The following SH3RF3 variants were observed in gnomAD, a reference collection of about 807,000 sequenced individuals.
SH3RF3 encodes the protein SH3 domain containing ring finger 3, also known as E3 ubiquitin-protein ligase SH3RF3.
A neutral mutation model predicts 66.3 loss-of-function variants in SH3RF3; 29 were observed. The observed-to-expected ratio is 0.44, with a 90% confidence interval of 0.33 to 0.60. The LOEUF (loss-of-function observed/expected upper bound fraction) is 0.60. Among genes scored for constraint, SH3RF3 ranks in the 20% least tolerant of loss-of-function variants. The probability of loss-of-function intolerance (pLI) is 0.04; values close to 1 mark genes in which losing one functional copy is unlikely to be tolerated. For missense variants in SH3RF3, 1,194 were observed against 1,190.9 expected, an observed-to-expected ratio of 1.00 and a Z score of -0.04; for synonymous variants, 583 against 532.0, an observed-to-expected ratio of 1.10 and a Z score of -1.32.
In SH3RF3 at chr2:109,129,946, C is replaced by A; in HGVS notation, c.406C>A (p.Pro136Thr). Residue 136 changes from proline (P) to threonine (T), a missense_variant, in exon 1 of 10, where the codon CCC (proline) becomes ACC (threonine). Coordinates refer to ENST00000309415, the MANE Select transcript of SH3RF3 (RefSeq NM_001099289.3). ...GGGCACCAGCCCCGGCGGCAGCCCG[C>A]CCGCGCGTCCCATCCCAGGCCAGAG... ...RAGTSPGGSP[P>T]ARPIPGQSAA... 1.4e-6 allele frequency: 2 copies of A among 1,470,134 alleles called. No homozygotes were observed. Among genetic ancestry groups the A allele is most frequent in the Non-Finnish European group, 1.8e-6 (2 of 1,117,748 alleles). 91.1% of individuals were successfully genotyped at this position (1,470,134 alleles called of 1,614,324 possible). A position where few individuals can be genotyped will look rare whatever the true frequency, so the allele number is the denominator to read the frequency against.
chr2:109,255,968 C>T (rs1374133370), intron 1 of SH3RF3, among the ~76,000 whole-genome samples: 1 of 152,212 alleles, frequency 6.6e-6, no homozygotes, highest in Non-Finnish European at 1.5e-5. Flanking sequence ...GAATAGGATG[C>T]ACCTGTCCCC....
At chr2:109,169,059 A>G (rs1400444835) in intron 1 of SH3RF3, among the ~76,000 whole-genome samples, 4 of 152,220 alleles carry the variant, frequency 2.6e-5, no homozygotes, top group Non-Finnish European at 5.9e-5. Context: ...AAGTGGCACT[A>G]GGAACCACCA....
At chr2:109,498,657 G>A (rs13401959) in intron 9 of SH3RF3, among the ~76,000 whole-genome samples, 42,005 of 152,002 alleles carry the variant, frequency 0.28, 6,094 homozygotes, top group African/African-American at 0.37. Context: ...CCCCTAAGTA[G>A]TATCAAGTAG....
intron 1 of SH3RF3, among the ~76,000 whole-genome samples, chr2:109,302,305 C>T (rs1009265259): frequency 6.6e-6 from 1 of 152,194 alleles, no homozygotes; most frequent in South Asian, 2.1e-4. Context: ...TCCATAACAG[C>T]ATATCTGTGA....
intron 8 of SH3RF3, 52 bp downstream of exon 8, chr2:109,449,541 T>G: frequency 6.3e-7 from 1 of 1,578,508 alleles, no homozygotes; most frequent in Non-Finnish European, 8.6e-7. Flanking sequence ...CTGCTTACTG[T>G]AACTTTTTGG....
chr2:109,390,046 C>T (rs1675941531), intron 3 of SH3RF3, among the ~76,000 whole-genome samples: 1 of 152,168 alleles, frequency 6.6e-6, no homozygotes, highest in South Asian at 2.1e-4. Flanking sequence ...TAAAAATGGC[C>T]AGAAATCCAC....
intron 1 of SH3RF3, among the ~76,000 whole-genome samples, chr2:109,190,799 G>C (rs904101854): frequency 6.6e-6 from 1 of 151,924 alleles, no homozygotes; most frequent in Non-Finnish European, 1.5e-5. Flanking sequence ...CATAGACCCA[G>C]GCTCAAATTA....
At chr2:109,131,713 TG>T (rs1332970921) in intron 1 of SH3RF3, among the ~76,000 whole-genome samples, 1 of 152,200 alleles carries the variant, frequency 6.6e-6, no homozygotes, top group Non-Finnish European at 1.5e-5. Flanking sequence ...GGTTGAAGCT[TG>T]GAACTTTTTA....
intron 1 of SH3RF3, among the ~76,000 whole-genome samples, chr2:109,182,606 A>G (rs1678097148): frequency 6.6e-6 from 1 of 152,210 alleles, no homozygotes; most frequent in South Asian, 2.1e-4. Context: ...GAATGAATCG[A>G]TGTTGCGTAA....
intron 1 of SH3RF3, among the ~76,000 whole-genome samples, chr2:109,238,986 C>A (rs1679716949): frequency 6.6e-6 from 1 of 152,168 alleles, no homozygotes. Flanking sequence ...TCTTTCTGTT[C>A]ATGAGAGGAA....
chr2:109,187,340 A>C (rs1010474319), intron 1 of SH3RF3, among the ~76,000 whole-genome samples: 1 of 144,942 alleles, frequency 6.9e-6, no homozygotes, highest in Non-Finnish European at 1.5e-5. Flanking sequence ...TTTTCTCCAG[A>C]GTGCAAAAGA....
At chr2:109,135,141 G>A (rs1457252916) in intron 1 of SH3RF3, among the ~76,000 whole-genome samples, 1 of 152,228 alleles carries the variant, frequency 6.6e-6, no homozygotes, top group East Asian at 1.9e-4. Flanking sequence ...AGACAGCAGG[G>A]TTTCTTCCCC....
intron 1 of SH3RF3, among the ~76,000 whole-genome samples, chr2:109,331,028 C>T (rs6542817): frequency 0.84 from 127,830 of 152,190 alleles, 54,073 homozygotes; most frequent in African/African-American, 0.91. Flanking sequence ...TTTGGAGTTA[C>T]TGTAGTATCT....
intron 1 of SH3RF3, among the ~76,000 whole-genome samples, chr2:109,138,830 T>C (rs781752151): frequency 2.6e-5 from 4 of 152,256 alleles, no homozygotes; most frequent in African/African-American, 9.6e-5. Flanking sequence ...ACATATGTAC[T>C]GACTGCCCAC....
chr2:109,357,204 C>T (rs569288467), intron 2 of SH3RF3, among the ~76,000 whole-genome samples: 16 of 150,698 alleles, frequency 1.1e-4, no homozygotes, highest in East Asian at 1.9e-4. Context: ...TTTTTTGAGA[C>T]GGAGTCTTAC....
At chr2:109,220,902 G>A (rs745786629) in intron 1 of SH3RF3, among the ~76,000 whole-genome samples, 1 of 152,214 alleles carries the variant, frequency 6.6e-6, no homozygotes, top group Non-Finnish European at 1.5e-5. Flanking sequence ...ATATAATCCA[G>A]CAGTTCTATT....
At chr2:109,414,918 G>A (rs1335048726) in intron 4 of SH3RF3, among the ~76,000 whole-genome samples, 1 of 152,228 alleles carries the variant, frequency 6.6e-6, no homozygotes, top group Non-Finnish European at 1.5e-5. Context: ...ACCTGAGAAT[G>A]TGTCACCTCA....
chr2:109,490,533 T>A (rs1679101453), intron 8 of SH3RF3, 72 bp from the exon 9 acceptor site: 3 of 1,226,820 alleles, frequency 2.4e-6, no homozygotes, highest in Non-Finnish European at 3.2e-6. Flanking sequence ...GAAGATGCAT[T>A]CCCCTCTCTC....
intron 1 of SH3RF3, among the ~76,000 whole-genome samples, chr2:109,299,088 G>C (rs890343505): frequency 6.6e-6 from 1 of 152,132 alleles, no homozygotes; most frequent in Non-Finnish European, 1.5e-5. Flanking sequence ...CAAGCCACTG[G>C]GCAGGCTCCC....
Sources: allele counts gnomAD v4.1 joint callset (sites outside exome capture counted in the v4.1 genomes callset), GRCh38; gene constraint gnomAD v4.1.1; transcripts MANE v1.5; gene names NCBI Gene and HGNC (gene_info 2026-07-23, HGNC 2026-07-21).